The following CTNNA3 variants were observed in gnomAD, a reference collection of about 807,000 sequenced individuals.
CTNNA3 encodes the protein catenin alpha 3, also known as catenin alpha-3.
A neutral mutation model predicts 95.7 loss-of-function variants in CTNNA3; 76 were observed. The observed-to-expected ratio is 0.79, with a 90% CI of 0.66 to 0.96. The LOEUF is 0.96. Ranked by LOEUF, CTNNA3 falls within the 40% of genes least tolerant of loss-of-function variation. The pLI, the probability that CTNNA3 is intolerant of heterozygous loss-of-function variation, is 0.00. For synonymous variants in CTNNA3, 431 were observed against 374.4 expected (o/e 1.15, Z -1.74); for missense variants, 1,191 against 1,089.8 (o/e 1.09, Z -1.31).
chr10:66,696,923 G>A (rs946823663), intron 9 of CTNNA3, among the ~76,000 whole-genome samples: 9 of 151,986 alleles, frequency 5.9e-5, no homozygotes, highest in Non-Finnish European at 4.4e-5. Context: ...TGTCTCTGAA[G>A]AAAGAAAGAA....
intron 12 of CTNNA3, among the ~76,000 whole-genome samples, chr10:66,377,599 A>T (rs2092804959): frequency 6.6e-6 from 1 of 152,182 alleles, no homozygotes; most frequent in Non-Finnish European, 1.5e-5. Context: ...GAGGCAAAAT[A>T]TTAGTCCTCC....
chr10:67,757,371 G>A (rs1182667867), intron 1 of CTNNA3, among the ~76,000 whole-genome samples: 1 of 152,176 alleles, frequency 6.6e-6, no homozygotes, highest in African/African-American at 2.4e-5. Context: ...GTATCAACTT[G>A]ATTGGATTGA....
chr10:65,942,988 G>A (rs554783667), intron 17 of CTNNA3, among the ~76,000 whole-genome samples: 44 of 151,892 alleles, frequency 2.9e-4, no homozygotes, highest in African/African-American at 9.9e-4. Flanking sequence ...AACATTTTCC[G>A]ATATATAACA....
chr10:67,163,210 T>C (rs1187163037), intron 7 of CTNNA3, among the ~76,000 whole-genome samples: 1 of 151,874 alleles, frequency 6.6e-6, no homozygotes, highest in East Asian at 1.9e-4. Context: ...GAGATGAAAA[T>C]ATTTCTAATA....
intron 13 of CTNNA3, among the ~76,000 whole-genome samples, chr10:66,216,220 GTC>G (rs1388680653): frequency 1.3e-5 from 2 of 152,228 alleles, no homozygotes; most frequent in African/African-American, 4.8e-5. Flanking sequence ...TTGGAAATCT[GTC>G]AACTTCAATC....
At chr10:66,733,848 G>A (rs1849043529) in intron 9 of CTNNA3, among the ~76,000 whole-genome samples, 1 of 151,618 alleles carries the variant, frequency 6.6e-6, no homozygotes, top group African/African-American at 2.4e-5. Context: ...CTTATTGTGT[G>A]TAAAATAAAC....
intron 1 of CTNNA3, among the ~76,000 whole-genome samples, chr10:67,706,993 C>A (rs1841082351): frequency 6.6e-6 from 1 of 152,164 alleles, no homozygotes; most frequent in Non-Finnish European, 1.5e-5. Flanking sequence ...TACCATCACC[C>A]AATTACTGCA....
chr10:67,255,324 A>G (rs1866302722), intron 5 of CTNNA3, among the ~76,000 whole-genome samples: 1 of 151,824 alleles, frequency 6.6e-6, no homozygotes, highest in African/African-American at 2.4e-5. Flanking sequence ...AAATAAATTA[A>G]TTAATTAATT....
chr10:66,624,215 T>C (rs10822856), intron 9 of CTNNA3, among the ~76,000 whole-genome samples: 50,542 of 151,888 alleles, frequency 0.33, 8,825 homozygotes, highest in Middle Eastern at 0.5. Context: ...AGCTTCTGAT[T>C]ATGAGCAAGA....
At chr10:66,695,564 G>A (rs1436016092) in intron 9 of CTNNA3, among the ~76,000 whole-genome samples, 1 of 152,096 alleles carries the variant, frequency 6.6e-6, no homozygotes, top group Non-Finnish European at 1.5e-5. Context: ...CATAGAAATA[G>A]ACACAGCTTC....
chr10:66,623,909 T>C (rs1345544664), intron 9 of CTNNA3, among the ~76,000 whole-genome samples: 1 of 152,200 alleles, frequency 6.6e-6, no homozygotes, highest in Non-Finnish European at 1.5e-5. Context: ...TTTCTTCTAA[T>C]GATGATTCTT....
intron 7 of CTNNA3, among the ~76,000 whole-genome samples, chr10:66,840,607 T>C (rs936236242): frequency 6.6e-6 from 1 of 152,168 alleles, no homozygotes; most frequent in African/African-American, 2.4e-5. Flanking sequence ...ATGTGTCATA[T>C]CTTTTGCAGA....
chr10:66,953,600 A>G (rs1047231049), intron 7 of CTNNA3, among the ~76,000 whole-genome samples: 1 of 152,128 alleles, frequency 6.6e-6, no homozygotes, highest in African/African-American at 2.4e-5. Flanking sequence ...TAAGATAGCT[A>G]TAAACTTCAA....
At chr10:67,235,207 G>T (rs370604903) in intron 5 of CTNNA3, among the ~76,000 whole-genome samples, 6 of 151,658 alleles carry the variant, frequency 4.0e-5, no homozygotes, top group African/African-American at 1.2e-4. Flanking sequence ...CATCGCCAAG[G>T]CAATCCTAAG....
intron 11 of CTNNA3, among the ~76,000 whole-genome samples, chr10:66,472,683 A>G (rs567406575): frequency 6.6e-6 from 1 of 152,170 alleles, no homozygotes; most frequent in Middle Eastern, 3.4e-3. Context: ...TAAAAACTCA[A>G]AAAGTCTAGC....
chr10:66,021,852 C>CTGTTTTTTTTTTTTTTTTTTTTTTTTT (rs2079218983), intron 15 of CTNNA3, among the ~76,000 whole-genome samples: 1 of 75,940 alleles, frequency 1.3e-5, no homozygotes. Flanking sequence ...AGGATCTTGG[C>CTGTTTTTTTTTTTTTTTTTTTTTTTTT]TTTTTTTTTT....
chr10:67,688,663 A>G (rs1198033827), intron 1 of CTNNA3, among the ~76,000 whole-genome samples: 3 of 152,136 alleles, frequency 2.0e-5, no homozygotes, highest in African/African-American at 7.2e-5. Flanking sequence ...ATTGGTCCCA[A>G]TGGCTTAGGA....
intron 7 of CTNNA3, among the ~76,000 whole-genome samples, chr10:67,091,731 G>C (rs1302175478): frequency 6.6e-6 from 1 of 152,058 alleles, no homozygotes; most frequent in East Asian, 1.9e-4. Context: ...TGTCAAGAAA[G>C]TAACTGGCAA....
intron 13 of CTNNA3, among the ~76,000 whole-genome samples, chr10:66,149,182 C>G (rs1302261534): frequency 6.8e-6 from 1 of 147,206 alleles, no homozygotes; most frequent in Admixed American, 6.8e-5. Flanking sequence ...ATATAGTTAA[C>G]TATATAGTTA....
Sources: allele counts gnomAD v4.1 joint callset (sites outside exome capture counted in the v4.1 genomes callset), GRCh38; gene constraint gnomAD v4.1.1; transcripts MANE v1.5; gene names NCBI Gene and HGNC (gene_info 2026-07-23, HGNC 2026-07-21).